The following FREM3 variants were observed in gnomAD, a reference collection of about 807,000 sequenced individuals.
FREM3 encodes the protein FRAS1-related extracellular matrix protein 3.
In FREM3, 105 loss-of-function variants were observed where a neutral mutation model predicts 129.1. The ratio of observed to expected loss-of-function variants is 0.81; its 90% CI spans 0.69 to 0.96. FREM3 has a LOEUF of 0.96. FREM3 is among the 40% of genes least tolerant of loss of function. The pLI is 0.00. For missense variants in FREM3, 2,593 were observed against 2,666.3 expected, an observed-to-expected ratio of 0.97 and a Z score of 0.61; for synonymous variants, 1,014 against 1,044.9, an observed-to-expected ratio of 0.97 and a Z score of 0.57.
Position 143,583,089 on chromosome 4 carries a change from C to T in FREM3, c.6178+2755G>A, listed in dbSNP as rs568181441. The stretch of plus-strand genomic sequence containing the variant: ...GAAGAGATGGGGTTTTGCCATGTTG[C>T]CCACATTGGACTCAAGCAATCCACC... On this transcript the variant is annotated intron_variant, in intron 7 of 7. Transcript: ENST00000329798. 2.6e-5 allele frequency among the ~76,000 whole-genome samples: 4 copies of T among 151,742 alleles called. No individual in the cohort carries two copies. In the South Asian group the frequency reaches 8.4e-4, roughly 32 times the overall value.
At chr4:143,592,620 T>G (rs549358037) in intron 6 of FREM3, among the ~76,000 whole-genome samples, 2 of 152,348 alleles carry the variant, frequency 1.3e-5, no homozygotes, top group African/African-American at 4.8e-5. Context: ...GCAGTTAGTC[T>G]GATGGGCTTC....
At chr4:143,662,199 C>A (rs1180135192) in intron 2 of FREM3, among the ~76,000 whole-genome samples, 1 of 152,156 alleles carries the variant, frequency 6.6e-6, no homozygotes, top group Non-Finnish European at 1.5e-5. Flanking sequence ...AGTTTTGGAT[C>A]TTTCCTGCTT....
chr4:143,611,445 G>A lies in FREM3; in HGVS notation c.5862C>T (p.His1954=). ...TCTTCTGTGTCTCATTCTTGTCAAA[G>A]TGGAGGATGCTGGTGTGGTCTTCTG... The part of the protein sequence containing the change: ...SRPEDHTSIL[H]FDKNETQKTC... Residue 1954 remains histidine (H), a synonymous_variant, in exon 6 of 8, where the codon CAC becomes CAT. Transcript: ENST00000329798. The A allele has an allele frequency of 6.5e-7, 1 of 1,537,216 alleles. No individual in the cohort carries two copies. Among genetic ancestry groups the A allele is most frequent in the East Asian group, 2.4e-5 (1 of 40,910 alleles).
At position 143,593,584 on chromosome 4, in the gene FREM3, G is replaced by A. The variant is rs187658156; in HGVS notation, c.6029-7591C>T. Among the ~76,000 whole-genome samples, 560 of 151,870 alleles carry A rather than the reference G, an allele frequency of 3.7e-3. 3 individuals are homozygous for A. Among genetic ancestry groups the A allele is most frequent in the African/African-American group, 0.013 (535 of 41,416 alleles). ...GAACTGCAAATGCTGCTGCCTGATC[G>A]TTCCTCTGGAAGTTTTGTCTCAGAG... On this transcript the variant is annotated intron_variant, in intron 6 of 7. Coordinates refer to ENST00000329798, the MANE Select transcript of FREM3 (RefSeq NM_001168235.2).
intron 2 of FREM3, among the ~76,000 whole-genome samples, chr4:143,684,070 T>C (rs1026520582): frequency 1.8e-4 from 28 of 152,184 alleles, no homozygotes; most frequent in African/African-American, 6.7e-4. Flanking sequence ...CTTCCCTACC[T>C]ACCCTGGTAG....
intron 6 of FREM3, 38 bp from the exon 7 acceptor site, chr4:143,586,031 G>T: frequency 6.5e-7 from 1 of 1,534,176 alleles, no homozygotes; most frequent in Non-Finnish European, 8.7e-7. Context: ...GAATGCTTCA[G>T]CCTGCCTGGT....
In FREM3 at chr4:143,695,707, T is replaced by C; in HGVS notation, c.4969A>G (p.Asn1657Asp). 6.5e-7 allele frequency: 1 copy of C among 1,537,274 alleles called. No homozygotes were observed. The highest frequency in any genetic ancestry group is 8.7e-7 in the Non-Finnish European group (1 of 1,146,928). The stretch of plus-strand genomic sequence containing the variant: ...TTGGTAGTAATCTGGGGAAGCCTAT[T>C]GTCTAATGATCTTATCTGGACCCTC... ...VMRVQIRSLD[N>D]RLPQITTNRG... Residue 1657 changes from asparagine to aspartate, a missense_variant, in exon 1 of 8, where the codon AAT becomes GAT. This residue lies in a region of FREM3 where 2,276 missense variants were observed against 2,267.2 expected (regional missense o/e 1.00). Coordinates refer to ENST00000329798, the MANE Select transcript of FREM3 (RefSeq NM_001168235.2).
intron 2 of FREM3, among the ~76,000 whole-genome samples, chr4:143,676,489 G>A (rs1158318797): frequency 2.6e-5 from 4 of 152,112 alleles, no homozygotes; most frequent in Admixed American, 1.3e-4. Context: ...CACAAGACAG[G>A]GATGCCCTCT....
intron 4 of FREM3, among the ~76,000 whole-genome samples, chr4:143,621,732 G>A (rs1738954469): frequency 6.6e-6 from 1 of 152,114 alleles, no homozygotes; most frequent in African/African-American, 2.4e-5. Flanking sequence ...ACACGTTTGT[G>A]TGTGTGTGTA....
intron 2 of FREM3, among the ~76,000 whole-genome samples, chr4:143,640,592 C>A (rs1233029883): frequency 3.3e-5 from 5 of 152,160 alleles, no homozygotes; most frequent in Non-Finnish European, 5.9e-5. Flanking sequence ...ATCACTTGAA[C>A]CCAGGAGGTG....
chr4:143,656,884 T>C (rs960328518), intron 2 of FREM3, among the ~76,000 whole-genome samples: 6 of 152,132 alleles, frequency 3.9e-5, no homozygotes, highest in African/African-American at 1.4e-4. Flanking sequence ...TAGATTTTAT[T>C]TTAAAAAAAC....
At chr4:143,661,564 T>A (rs1739724420) in intron 2 of FREM3, among the ~76,000 whole-genome samples, 1 of 151,984 alleles carries the variant, frequency 6.6e-6, no homozygotes, top group South Asian at 2.1e-4. Flanking sequence ...TTTGGTTGTG[T>A]CTCTGCCCGC....
chr4:143,588,348 T>C (rs1021988868), intron 6 of FREM3, among the ~76,000 whole-genome samples: 4 of 152,190 alleles, frequency 2.6e-5, no homozygotes, highest in Admixed American at 2.6e-4. Flanking sequence ...ACCCATTAAC[T>C]CATCATTTAG....
intron 2 of FREM3, among the ~76,000 whole-genome samples, chr4:143,667,948 T>A (rs1739893751): frequency 6.6e-6 from 1 of 152,218 alleles, no homozygotes; most frequent in South Asian, 2.1e-4. Flanking sequence ...AATAACAAAT[T>A]CCACACCTTC....
intron 2 of FREM3, among the ~76,000 whole-genome samples, chr4:143,628,912 G>A (rs1201284780): frequency 6.6e-6 from 1 of 152,188 alleles, no homozygotes; most frequent in Admixed American, 6.5e-5. Flanking sequence ...GGAAGCAGTC[G>A]AGTAGCTTTG....
At chr4:143,695,407 G>T in intron 1 of FREM3, 84 bp downstream of exon 1, 1 of 1,197,848 alleles carries the variant, frequency 8.3e-7, no homozygotes, top group Non-Finnish European at 1.1e-6. Context: ...AAATGGCTGA[G>T]ATCAGGACAA....
At chr4:143,664,623 A>G (rs1739815958) in intron 2 of FREM3, among the ~76,000 whole-genome samples, 1 of 152,154 alleles carries the variant, frequency 6.6e-6, no homozygotes, top group Admixed American at 6.6e-5. Flanking sequence ...CAAAGCTGTC[A>G]GACTTGGACA....
chr4:143,585,934 C>T lies in FREM3; in HGVS notation c.6088G>A (p.Glu2030Lys). Reference protein sequence around the residue: ...YHVNESARYVEVCVWRRGTDL... With the variant: ...YHVNESARYVKVCVWRRGTDL... ...GTGCCTCTTCTCCAAACACAAACCT[C>T]CACGTAGCGAGCACTTTCATTGACG... Residue 2030 changes from glutamate (E) to lysine (K), a missense_variant, in exon 7 of 8, where the codon GAG (glutamate) becomes AAG (lysine). Coordinates refer to ENST00000329798, the MANE Select transcript of FREM3 (RefSeq NM_001168235.2). This position sits in a 1 kb window ranked among gnomAD's most constrained non-coding sequence, Gnocchi z 4.2. 1 of 1,537,554 alleles carries T rather than the reference C, an allele frequency of 6.5e-7. No individual in the cohort carries two copies. Among genetic ancestry groups the T allele is most frequent in the Non-Finnish European group, 8.7e-7 (1 of 1,146,982 alleles).
At chr4:143,641,733 A>G (rs1343544874) in intron 2 of FREM3, among the ~76,000 whole-genome samples, 1 of 152,178 alleles carries the variant, frequency 6.6e-6, no homozygotes, top group Non-Finnish European at 1.5e-5. Context: ...ACCACAAATC[A>G]ATAATTGTTA....
Sources: gnomAD v4.1 joint callset for allele counts (sites outside exome capture counted in the v4.1 genomes callset) on GRCh38, gnomAD v4.1.1 for gene constraint, gnomAD v4.1.1 regional missense constraint, Gnocchi (gnomAD v3.1) non-coding constraint, MANE v1.5 for transcripts, NCBI Gene and HGNC (gene_info 2026-07-23, HGNC 2026-07-21) for gene names.